MOB4: variants seen among roughly 807,000 people sequenced by gnomAD.
The protein encoded by MOB4 is MOB-like protein phocein.
MOB4 carries 4 observed loss-of-function variants against 32.2 expected under a neutral mutation model. The observed-to-expected ratio is 0.12, with a 90% CI of 0.06 to 0.28. The LOEUF is 0.28. Ranked by LOEUF, MOB4 falls within the 10% of genes least tolerant of loss-of-function variation. The probability of loss-of-function intolerance (pLI) is 1.00; values close to 1 mark genes in which losing one functional copy is unlikely to be tolerated. For missense variants in MOB4, 158 were observed against 271.2 expected (o/e 0.58, Z 2.93); for synonymous variants, 88 against 88.1 (o/e 1.00, Z 0.01).
At chr2:197,524,530 CAAAAAA>C (rs58552334) in intron 2 of MOB4, among the ~76,000 whole-genome samples, 6 of 108,964 alleles carry the variant, frequency 5.5e-5, no homozygotes, top group African/African-American at 2.0e-4. Flanking sequence ...GACTCTGTCT[CAAAAAA>C]AAAAAAAAAA....
intron 2 of MOB4, among the ~76,000 whole-genome samples, chr2:197,528,702 A>G (rs184549154): frequency 7.1e-6 from 1 of 140,364 alleles, no homozygotes; most frequent in African/African-American, 2.7e-5. Context: ...TGCAAGCTCC[A>G]CCTCCTGGGT....
upstream of MOB4, chr2:197,516,064 C>G (rs767357037): frequency 3.2e-6 from 5 of 1,572,704 alleles, no homozygotes; most frequent in Middle Eastern, 1.7e-4. Context: ...GGTACCGACT[C>G]CAGCCGCCTA....
chr2:197,523,826 T>C, intron 2 of MOB4, 140 bp downstream of exon 2: 1 of 694,700 alleles, frequency 1.4e-6, no homozygotes, highest in Non-Finnish European at 2.2e-6. Flanking sequence ...CAAAACAAAA[T>C]AGTTCCTTTT....
chr2:197,516,382 G>T, intron 1 of MOB4: 1 of 1,413,278 alleles, frequency 7.1e-7, no homozygotes, highest in Non-Finnish European at 9.2e-7. Context: ...GGTGGGGTCT[G>T]CTGGTGGTAC....
intron 1 of MOB4, chr2:197,516,856 T>G (rs1002578404): frequency 2.3e-5 from 9 of 391,934 alleles, no homozygotes; most frequent in African/African-American, 1.9e-4. Context: ...AATTGGTGCT[T>G]GATTAGGCAT....
In MOB4 at chr2:197,548,421, C is replaced by T. The variant is rs199633615; in HGVS notation, c.434+6C>T. ...AATAAATATTTTCCCAGCAGGTAAT[C>T]GAAACTTTTAAACATAGTGTTAAAC... On this transcript the variant is annotated splice_donor_region_variant and intron_variant, in intron 6 of 7. Transcript: ENST00000323303. The T allele has an allele frequency of 2.4e-4, 365 of 1,521,316 alleles. No homozygotes were observed. The highest frequency in any genetic ancestry group is 4.2e-4 in the Middle Eastern group (2 of 4,754). The allele number at this position is 1,521,316 out of a possible 1,614,324, so 94.2% of individuals were successfully genotyped here. A position where few individuals can be genotyped will look rare whatever the true frequency, so the allele number is the denominator to read the frequency against.
At chr2:197,516,271 C>G (rs1376861344) in intron 1 of MOB4, 125 bp downstream of exon 1, 1 of 1,466,922 alleles carries the variant, frequency 6.8e-7, no homozygotes, top group East Asian at 2.7e-5. Flanking sequence ...CACTGGTGCC[C>G]GGCCTGCTCT....
At chr2:197,539,876 T>C (rs1337488171) in intron 3 of MOB4, among the ~76,000 whole-genome samples, 1 of 152,212 alleles carries the variant, frequency 6.6e-6, no homozygotes, top group Admixed American at 6.5e-5. Context: ...TTCTAGTATA[T>C]AAGAGAATGA....
rs2087098747 is a variant in MOB4, at chr2:197,551,597, A to G, written c.*951A>G. 2.6e-5 allele frequency: 4 copies of G among 152,744 alleles called. No individual in the cohort carries two copies. The highest frequency in any genetic ancestry group is 2.6e-4 in the Admixed American group (4 of 15,276). 9.5% of individuals were successfully genotyped at this position (152,744 alleles called of 1,614,324 possible). On this transcript the variant is annotated 3_prime_UTR_variant, in exon 8 of 8. Coordinates refer to ENST00000323303, the MANE Select transcript of MOB4 (RefSeq NM_015387.5). ...AATAGTTTGACTCTTCCTGTTAGTA[A>G]TATATTAATCTTTCATTTAACCAGC...
intron 2 of MOB4, among the ~76,000 whole-genome samples, chr2:197,526,426 C>T (rs369442674): frequency 1.3e-5 from 2 of 152,154 alleles, no homozygotes; most frequent in Non-Finnish European, 2.9e-5. Context: ...AAGCGATTGT[C>T]CTGCCTCAGC....
At chr2:197,548,554 A>G in intron 6 of MOB4, 139 bp downstream of exon 6, 1 of 512,216 alleles carries the variant, frequency 2.0e-6, no homozygotes, top group Non-Finnish European at 3.5e-6. Flanking sequence ...CAGCACACCA[A>G]CATGGCACAT....
intron 6 of MOB4, among the ~76,000 whole-genome samples, chr2:197,549,199 G>T (rs74439796): frequency 0.012 from 1,763 of 152,046 alleles, 15 homozygotes; most frequent in South Asian, 0.023. Context: ...TTGCACTCCG[G>T]CCTGGGCAAC....
Position 197,547,875 on chromosome 2 carries a change from G to A in MOB4, c.355-461G>A, listed in dbSNP as rs185074495. ...TTCATTGTTTCTGATAAATGGAACA[G>A]AATAAGTCAGATTTATTAAAATATA... On this transcript the variant is annotated intron_variant, in intron 5 of 7. Coordinates refer to ENST00000323303, the MANE Select transcript of MOB4 (RefSeq NM_015387.5). Among the ~76,000 whole-genome samples the A allele has an allele frequency of 5.1e-4, 77 of 152,274 alleles. 2 individuals are homozygous for A. The South Asian group carries it at 8.3e-3, about 16-fold the overall frequency.
chr2:197,518,605 C>A (rs2086458813), intron 1 of MOB4, among the ~76,000 whole-genome samples: 1 of 151,726 alleles, frequency 6.6e-6, no homozygotes, highest in African/African-American at 2.4e-5. Flanking sequence ...TTCTGTCGCC[C>A]AGGCTAGAGT....
intron 2 of MOB4, among the ~76,000 whole-genome samples, chr2:197,531,888 A>G (rs2086712288): frequency 6.6e-6 from 1 of 151,940 alleles, no homozygotes; most frequent in Non-Finnish European, 1.5e-5. Context: ...TATTGCATAA[A>G]AGTGTGGAGG....
chr2:197,549,770 C>T (rs894196468), intron 6 of MOB4, among the ~76,000 whole-genome samples: 18 of 150,182 alleles, frequency 1.2e-4, no homozygotes, highest in Non-Finnish European at 7.4e-5. Flanking sequence ...AGGCTGGTTT[C>T]GAACTCCTGA....
At chr2:197,518,999 C>T (rs1158614462) in intron 1 of MOB4, among the ~76,000 whole-genome samples, 2 of 151,966 alleles carry the variant, frequency 1.3e-5, no homozygotes, top group African/African-American at 4.8e-5. Context: ...ATCTCGTGAT[C>T]CGCCCGTCTC....
At chr2:197,532,937 A>G (rs1421976773) in intron 2 of MOB4, among the ~76,000 whole-genome samples, 2 of 152,084 alleles carry the variant, frequency 1.3e-5, no homozygotes, top group Non-Finnish European at 2.9e-5. Flanking sequence ...CATCTCTACT[A>G]AAAATACAGA....
At chr2:197,516,485 C>T in intron 1 of MOB4, 1 of 938,748 alleles carries the variant, frequency 1.1e-6, no homozygotes, top group Non-Finnish European at 1.5e-6. Context: ...ATTGGAGGGG[C>T]GCGACCAGCC....
Sources: gnomAD v4.1 joint callset for allele counts (sites outside exome capture counted in the v4.1 genomes callset) on GRCh38, gnomAD v4.1.1 for gene constraint, MANE v1.5 for transcripts, NCBI Gene and HGNC (gene_info 2026-07-23, HGNC 2026-07-21) for gene names.